The following CDK5RAP3 variants were observed in gnomAD, a reference collection of about 807,000 sequenced individuals.
CDK5RAP3 encodes the protein CDK5 regulatory subunit associated protein 3.
A neutral mutation model predicts 73.3 loss-of-function variants in CDK5RAP3; 58 were observed. The ratio of observed to expected loss-of-function variants is 0.79; its 90% CI spans 0.64 to 0.98. The LOEUF is 0.98. Ranked by LOEUF, CDK5RAP3 falls within the 50% of genes least tolerant of loss-of-function variation. The pLI, the probability that CDK5RAP3 is intolerant of heterozygous loss-of-function variation, is 0.00. For synonymous variants in CDK5RAP3, 224 were observed against 247.5 expected (o/e 0.91, Z 0.89); for missense variants, 525 against 615.8 (o/e 0.85, Z 1.56).
intron 11 of CDK5RAP3, 55 bp downstream of exon 11, chr17:47,978,972 T>G: frequency 7.2e-7 from 1 of 1,389,488 alleles, no homozygotes; most frequent in Non-Finnish European, 1.0e-6. Flanking sequence ...CACAGGTGGC[T>G]TCACTCCAGA....
intron 9 of CDK5RAP3, 140 bp downstream of exon 9, chr17:47,976,962 G>A (rs1301695147): frequency 1.4e-5 from 7 of 491,434 alleles, no homozygotes; most frequent in Admixed American, 3.9e-5. Context: ...AGTTTCACAC[G>A]TCACATGTCA....
At chr17:47,977,645 G>A (rs1004481341) in intron 9 of CDK5RAP3, among the ~76,000 whole-genome samples, 187 bp from the exon 10 acceptor site, 2 of 152,176 alleles carry the variant, frequency 1.3e-5, no homozygotes, top group Non-Finnish European at 2.9e-5. Context: ...GGTAAAGGCA[G>A]GTGGGAACAC....
chr17:47,981,509 C>A lies in CDK5RAP3; in HGVS notation c.*7C>A. 3.7e-6 allele frequency: 6 copies of A among 1,614,252 alleles called. No individual in the cohort carries two copies. The highest frequency in any genetic ancestry group is 5.1e-6 in the Non-Finnish European group (6 of 1,180,052). On this transcript the variant is annotated 3_prime_UTR_variant, in exon 14 of 14. Transcript: ENST00000338399. The stretch of plus-strand genomic sequence containing the variant: ...GATGGGAACCTCTCTGTGACACCCT[C>A]CGTGTTCTTGCCTGCCCATCTTCTC...
upstream of CDK5RAP3, chr17:47,970,580 C>A: frequency 7.8e-7 from 1 of 1,276,520 alleles, no homozygotes; most frequent in Non-Finnish European, 1.1e-6. Context: ...TCTTCCTTCC[C>A]CTTCCCTGCC....
intron 9 of CDK5RAP3, 149 bp from the exon 10 acceptor site, chr17:47,977,683 G>A: frequency 1.6e-6 from 1 of 636,580 alleles, no homozygotes; most frequent in Non-Finnish European, 2.8e-6. Flanking sequence ...GGGCCATACT[G>A]CCATTTTTGG....
upstream of CDK5RAP3, chr17:47,970,468 A>G: frequency 3.3e-6 from 2 of 598,162 alleles, no homozygotes; most frequent in South Asian, 1.9e-5. Context: ...TTGTCTGTGT[A>G]GTCTCCTCCA....
intron 10 of CDK5RAP3, 82 bp from the exon 11 acceptor site, chr17:47,978,747 C>T (rs1798327646): frequency 2.8e-6 from 3 of 1,061,724 alleles, no homozygotes; most frequent in African/African-American, 1.6e-5. Context: ...CCGTATTAAT[C>T]CTCCAGGGCT....
intron 12 of CDK5RAP3, 111 bp downstream of exon 12, chr17:47,980,909 G>A (rs2036537739): frequency 1.7e-6 from 2 of 1,152,266 alleles, no homozygotes; most frequent in Non-Finnish European, 2.5e-6. Context: ...CCTGGCCATT[G>A]CCATCCACTG....
upstream of CDK5RAP3, chr17:47,970,538 T>C: frequency 1.2e-6 from 1 of 806,252 alleles, no homozygotes; most frequent in Non-Finnish European, 2.1e-6. Flanking sequence ...AGACTCAATG[T>C]AGGTGTTCTC....
chr17:47,978,037 A>T, intron 10 of CDK5RAP3, 127 bp downstream of exon 10: 3 of 613,832 alleles, frequency 4.9e-6, no homozygotes, highest in Non-Finnish European at 8.5e-6. Context: ...CAAAACCTTG[A>T]TGAGGATGTG....
At chr17:47,976,395 T>C (rs780413924) in intron 8 of CDK5RAP3, 3 of 371,990 alleles carry the variant, frequency 8.1e-6, no homozygotes, top group Non-Finnish European at 1.5e-5. Context: ...GGCCTTGCTC[T>C]GTTGCCCAGG....
At chr17:47,972,380 T>A (rs553702600) in intron 2 of CDK5RAP3, among the ~76,000 whole-genome samples, 241 of 152,356 alleles carry the variant, frequency 1.6e-3, no homozygotes, top group African/African-American at 5.5e-3. Context: ...TTGCTTCTAG[T>A]TCTGTGACAT....
In CDK5RAP3 at chr17:47,980,457, C is replaced by T. The variant is rs1350192474; in HGVS notation, c.1078-136C>T. Reference sequence around the variant, plus strand: ...CTAATTTTAAACATTTCTGTAGAGACAGGGTCTCATCGTTTCCCAGGCTGG... The same window carrying T: ...CTAATTTTAAACATTTCTGTAGAGATAGGGTCTCATCGTTTCCCAGGCTGG... On this transcript the variant is annotated intron_variant, in intron 11 of 13. Transcript: ENST00000338399. 3 of 755,422 alleles carry T rather than the reference C, an allele frequency of 4.0e-6. No homozygotes were observed. In the African/African-American group the frequency reaches 5.1e-5, roughly 13 times the overall value. 46.8% of individuals were successfully genotyped at this position (755,422 alleles called of 1,614,324 possible). A position where few individuals can be genotyped will look rare whatever the true frequency, so the allele number is the denominator to read the frequency against.
chr17:47,981,139 C>T (rs1362407444), intron 12 of CDK5RAP3, 24 bp from the exon 13 acceptor site: 1 of 1,603,868 alleles, frequency 6.2e-7, no homozygotes, highest in Non-Finnish European at 8.5e-7. Flanking sequence ...GCTAACCCAG[C>T]ACTCACCTGA....
upstream of CDK5RAP3, chr17:47,970,824 G>A (rs2036241380): frequency 1.4e-6 from 2 of 1,423,156 alleles, no homozygotes; most frequent in Admixed American, 4.1e-5. Context: ...GCGGCTGCCA[G>A]GCTGGGCTCT....
chr17:47,968,940 C>T (rs1301737326), upstream of CDK5RAP3, among the ~76,000 whole-genome samples: 6 of 152,218 alleles, frequency 3.9e-5, no homozygotes, highest in South Asian at 1.2e-3. Flanking sequence ...CGTGAGCCAC[C>T]GCGCCTGGCC....
At chr17:47,977,530 C>T (rs1275108069) in intron 9 of CDK5RAP3, among the ~76,000 whole-genome samples, 5 of 152,150 alleles carry the variant, frequency 3.3e-5, no homozygotes, top group Admixed American at 6.5e-5. Flanking sequence ...CCACCTGCCT[C>T]GGCCTCCTGA....
chr17:47,971,102 C>A (rs1244272925), upstream of CDK5RAP3: 1 of 1,551,602 alleles, frequency 6.4e-7, no homozygotes, highest in Admixed American at 2.0e-5. Context: ...GGTGGTAGGG[C>A]GGGGCGGGCC....
Position 47,973,511 on chromosome 17 carries a change from T to C in CDK5RAP3, c.53-8T>C. The stretch of plus-strand genomic sequence containing the variant: ...GGGAATGCTCTAATTTGGGTGCTTC[T>C]CATGTAGATTGGCTGGTGGACAGAA... On this transcript the variant is annotated splice_polypyrimidine_tract_variant and splice_region_variant and intron_variant, in intron 2 of 13. Coordinates refer to ENST00000338399, the MANE Select transcript of CDK5RAP3 (RefSeq NM_176096.3). 6.2e-7 allele frequency: 1 copy of C among 1,613,168 alleles called. No individual in the cohort carries two copies. The highest frequency in any genetic ancestry group is 8.5e-7 in the Non-Finnish European group (1 of 1,179,270).
Sources: gnomAD v4.1 joint callset for allele counts (sites outside exome capture counted in the v4.1 genomes callset) on GRCh38, gnomAD v4.1.1 for gene constraint, MANE v1.5 for transcripts, NCBI Gene and HGNC (gene_info 2026-07-23, HGNC 2026-07-21) for gene names.